Variants in CEBPZOS observed in about 807,000 individuals in gnomAD.
The protein encoded by CEBPZOS is CEBPZ opposite strand.
Under a neutral mutation model 4.8 loss-of-function variants are expected in CEBPZOS, and 10 were observed. The ratio of observed to expected loss-of-function variants is 2.07; its 90% confidence interval spans 1.28 to 3.52. The LOEUF is 3.52. Among genes scored for constraint, CEBPZOS ranks in the 30% most tolerant of loss-of-function variants. The pLI, the probability that CEBPZOS is intolerant of heterozygous loss-of-function variation, is 0.00. For synonymous variants in CEBPZOS, 25 were observed against 14.2 expected (o/e 1.77, Z -1.72); for missense variants, 98 against 43.6 (o/e 2.25, Z -3.51).
At chr2:37,210,912 A>C in intron 4 of CEBPZOS, 2 of 749,936 alleles carry the variant, frequency 2.7e-6, no homozygotes, top group East Asian at 6.8e-5. Context: ...TTTATTAATC[A>C]AATTTAGGAG....
downstream of CEBPZOS, chr2:37,209,354 G>A (rs1445248282): frequency 6.6e-6 from 1 of 152,066 alleles, no homozygotes; most frequent in Admixed American, 6.6e-5. Context: ...TAAACAAAAA[G>A]AACAAATCTA....
chr2:37,212,926 C>T (rs936694103), intron 4 of CEBPZOS, among the ~76,000 whole-genome samples: 2 of 150,504 alleles, frequency 1.3e-5, no homozygotes, highest in African/African-American at 4.9e-5. Context: ...GTAGTCCCAG[C>T]TACCCGTGGG....
downstream of CEBPZOS, among the ~76,000 whole-genome samples, chr2:37,208,045 C>G (rs1367642886): frequency 6.6e-6 from 1 of 152,006 alleles, no homozygotes; most frequent in Non-Finnish European, 1.5e-5. Flanking sequence ...ACTAGAAAAC[C>G]TAGAGAAAAA....
Position 37,211,839 on chromosome 2 carries a change from T to G in CEBPZOS, c.*3-1598T>G. 3.8e-6 allele frequency: 6 copies of G among 1,577,518 alleles called. No individual in the cohort carries two copies. The Middle Eastern group carries it at 5.1e-4, about 135-fold the overall frequency. On this transcript the variant is annotated intron_variant, in intron 4 of 4. Transcript: ENST00000397064. The stretch of plus-strand genomic sequence containing the variant: ...GTTTATGTCTTATTTTAAAAAATGC[T>G]TACCTGGAACGCTCTCACTTTCATC...
intron 4 of CEBPZOS, chr2:37,212,603 G>A (rs1665173970): frequency 3.7e-6 from 2 of 537,648 alleles, no homozygotes; most frequent in Admixed American, 3.6e-5. Context: ...ACTAAAGAAG[G>A]ATCCAGTTAA....
intron 1 of CEBPZOS, among the ~76,000 whole-genome samples, chr2:37,196,989 C>T (rs1380537158): frequency 6.6e-6 from 1 of 152,222 alleles, no homozygotes. Context: ...CCCCGATTCC[C>T]TGGAGCGCAT....
downstream of CEBPZOS, chr2:37,209,158 T>C (rs1309867087): frequency 1.3e-5 from 2 of 151,352 alleles, no homozygotes; most frequent in East Asian, 3.9e-4. Context: ...CACACACAAA[T>C]GGAAACGCAT....
rs1677363450 is a variant in CEBPZOS, at chr2:37,203,156, A to C, written c.*1296A>C. The C allele has an allele frequency of 1.9e-6, 1 of 527,428 alleles. No individual in the cohort carries two copies. Among genetic ancestry groups the C allele is most frequent in the Non-Finnish European group, 3.3e-6 (1 of 301,716 alleles). 32.7% of individuals were successfully genotyped at this position (527,428 alleles called of 1,614,324 possible). On this transcript the variant is annotated 3_prime_UTR_variant, in exon 5 of 5. Coordinates refer to ENST00000402297, the MANE Select transcript of CEBPZOS (RefSeq NM_001322374.2). ...GCACCATTGGGTAGCTGGCATTTAA[A>C]TATAATTTAAGAGTTAGTATATAAT...
At chr2:37,214,851 A>G (rs372555878), downstream of CEBPZOS, 49 of 1,335,308 alleles carry the variant, frequency 3.7e-5, no homozygotes, top group Non-Finnish European at 5.0e-5. Context: ...AAATTTTAGC[A>G]GTTTCCCCAA....
rs377606050 is a variant in CEBPZOS at position 37,211,412 on chromosome 2, G to A, written c.*3-2025G>A. The A allele has an allele frequency of 1.7e-5, 4 of 240,864 alleles. No individual in the cohort carries two copies. In the South Asian group the frequency reaches 4.2e-4, roughly 25 times the overall value. The allele number at this position is 240,864 out of a possible 1,614,324, so 14.9% of individuals were successfully genotyped here. ...GTTGGGCAGGCATGTGCATGCTGGA[G>A]GTATGTGAAAGGACAGAAAGGTCAG... On this transcript the variant is annotated intron_variant, in intron 4 of 4. Transcript: ENST00000397064.
chr2:37,196,899 G>A (rs1267118192), intron 1 of CEBPZOS, among the ~76,000 whole-genome samples: 2 of 152,228 alleles, frequency 1.3e-5, no homozygotes, highest in Non-Finnish European at 2.9e-5. Context: ...CTGTTGAAAA[G>A]TCGTCCTCTG....
downstream of CEBPZOS, among the ~76,000 whole-genome samples, chr2:37,207,650 C>T (rs558882021): frequency 2.0e-4 from 31 of 152,224 alleles, no homozygotes; most frequent in African/African-American, 6.5e-4. Context: ...ACAGCAAAAG[C>T]GGCACTACAT....
Position 37,199,816 on chromosome 2 carries a change from C to G in CEBPZOS, c.112C>G (p.Gln38Glu). 1 of 717,390 alleles carries G rather than the reference C, an allele frequency of 1.4e-6. No homozygotes were observed. The highest frequency in any genetic ancestry group is 2.6e-6 in the Non-Finnish European group (1 of 384,970). The allele number at this position is 717,390 out of a possible 1,614,324, so 44.4% of individuals were successfully genotyped here. A position where few individuals can be genotyped will look rare whatever the true frequency, so the allele number is the denominator to read the frequency against. Residue 38 changes from glutamine to glutamate, a missense_variant, in exon 2 of 5, where the codon CAA becomes GAA. Physicochemically the swap from Gln to Glu is conservative, Grantham distance 29. Coordinates refer to ENST00000402297, the MANE Select transcript of CEBPZOS (RefSeq NM_001322374.2). Reference protein sequence around the residue: ...YFLFSKMHTSQDFRQTMSKKY... With the variant: ...YFLFSKMHTSEDFRQTMSKKY... ...TTTGTTTAGCAAGATGCACACAAGC[C>G]AAGGTAATCATAATTCAGAAGTTAA...
At chr2:37,196,912 C>T (rs1676970230) in intron 1 of CEBPZOS, among the ~76,000 whole-genome samples, 1 of 152,338 alleles carries the variant, frequency 6.6e-6, no homozygotes, top group South Asian at 2.1e-4. Flanking sequence ...GTCCTCTGCA[C>T]AGCTAGGCTG....
chr2:37,204,464 G>A lies in CEBPZOS; in HGVS notation c.*2604G>A, dbSNP rs543130072. On this transcript the variant is annotated 3_prime_UTR_variant, in exon 5 of 5. Transcript: ENST00000402297. ...AGCTAATTTTTGTATTTTTAGTAGA[G>A]ATGGGGTTTCATCATGTTGGCCAGG... The A allele has an allele frequency of 6.7e-5, 10 of 148,436 alleles. No individual in the cohort carries two copies. The South Asian group carries it at 1.7e-3, about 25-fold the overall frequency. The allele number at this position is 148,436 out of a possible 1,614,324, so 9.2% of individuals were successfully genotyped here.
intron 1 of CEBPZOS, 57 bp from the exon 2 acceptor site, chr2:37,199,647 A>G (rs746016133): frequency 1.3e-5 from 9 of 690,038 alleles, no homozygotes; most frequent in African/African-American, 3.6e-5. Context: ...TAGAGAAATG[A>G]TAATAGTAGT....
rs1026115432 is a variant in CEBPZOS at position 37,211,159 on chromosome 2, A to T, written c.*3-2278A>T. On this transcript the variant is annotated intron_variant, in intron 4 of 4. Coordinates refer to the CEBPZOS transcript ENST00000397064. ...AAAATATTACTCCAAGATATGCTAA[A>T]ATCTTTATTCTGATGGTAAGGCACT... 8 of 969,688 alleles carry T rather than the reference A, an allele frequency of 8.3e-6. No homozygotes were observed. In the African/African-American group the frequency reaches 1.1e-4, roughly 14 times the overall value. 60.1% of individuals were successfully genotyped at this position (969,688 alleles called of 1,614,324 possible).
chr2:37,211,731 T>A, intron 4 of CEBPZOS: 1 of 717,324 alleles, frequency 1.4e-6, no homozygotes, highest in South Asian at 2.5e-5. Context: ...CTGGCTGACA[T>A]GAGTATTAAT....
intron 4 of CEBPZOS, among the ~76,000 whole-genome samples, chr2:37,212,954 G>A (rs1455164658): frequency 6.6e-6 from 1 of 150,982 alleles, no homozygotes; most frequent in African/African-American, 2.4e-5. Context: ...CAGGAAAATC[G>A]CCTGAGCCCA....
Sources: allele counts gnomAD v4.1 joint callset (sites outside exome capture counted in the v4.1 genomes callset), GRCh38; gene constraint gnomAD v4.1.1; transcripts MANE v1.5; gene names NCBI Gene and HGNC (gene_info 2026-07-23, HGNC 2026-07-21).